Variants in BCAS4 observed in about 807,000 individuals in gnomAD.
The protein encoded by BCAS4 is breast carcinoma-amplified sequence 4.
Under a neutral mutation model 15.7 loss-of-function variants are expected in BCAS4, and 9 were observed. The ratio of observed to expected loss-of-function variants is 0.57; its 90% CI spans 0.34 to 1.00. The LOEUF is 1.00. Among genes scored for constraint, BCAS4 ranks in the 50% least tolerant of loss-of-function variants. The pLI, the probability that BCAS4 is intolerant of heterozygous loss-of-function variation, is 0.02. For synonymous variants in BCAS4, 101 were observed against 99.5 expected, an observed-to-expected ratio of 1.02 and a Z score of -0.09; for missense variants, 225 against 239.1, an observed-to-expected ratio of 0.94 and a Z score of 0.39.
intron 1 of BCAS4, among the ~76,000 whole-genome samples, chr20:50,805,493 G>C (rs1042004183): frequency 6.6e-6 from 1 of 152,120 alleles, no homozygotes; most frequent in African/African-American, 2.4e-5. Flanking sequence ...AGCAGGGTTG[G>C]CATATCCCTA....
chr20:50,800,435 C>T (rs2087913169), intron 1 of BCAS4, among the ~76,000 whole-genome samples: 1 of 152,046 alleles, frequency 6.6e-6, no homozygotes, highest in Non-Finnish European at 1.5e-5. Context: ...CTGCTTTCCC[C>T]AGATGGAGGA....
intron 2 of BCAS4, 130 bp from the exon 3 acceptor site, chr20:50,830,149 T>C: frequency 1.4e-6 from 1 of 722,256 alleles, no homozygotes; most frequent in Non-Finnish European, 2.4e-6. Flanking sequence ...CTTGGGCCTG[T>C]ATTGCGCAGG....
intron 2 of BCAS4, among the ~76,000 whole-genome samples, chr20:50,822,249 C>T (rs2088225298): frequency 6.6e-6 from 1 of 152,138 alleles, no homozygotes; most frequent in Non-Finnish European, 1.5e-5. Flanking sequence ...GTCCAGTGGG[C>T]AGGAAGGAAG....
intron 3 of BCAS4, among the ~76,000 whole-genome samples, chr20:50,838,191 G>A (rs992963894): frequency 2.0e-5 from 3 of 152,174 alleles, no homozygotes; most frequent in African/African-American, 4.8e-5. Context: ...TTATGCATCC[G>A]CCACCCATAT....
intron 3 of BCAS4, among the ~76,000 whole-genome samples, chr20:50,830,783 A>G (rs144513814): frequency 6.6e-6 from 1 of 152,238 alleles, no homozygotes; most frequent in East Asian, 1.9e-4. Flanking sequence ...CCAGGAGGTC[A>G]TGGCTACTGT....
At chr20:50,875,261 T>G (rs1979863894) in intron 4 of BCAS4, among the ~76,000 whole-genome samples, 1 of 152,152 alleles carries the variant, frequency 6.6e-6, no homozygotes, top group Non-Finnish European at 1.5e-5. Flanking sequence ...GTGACCTGGT[T>G]TTTCCTGGAG....
At chr20:50,853,428 CCT>C (rs1978555462) in intron 4 of BCAS4, among the ~76,000 whole-genome samples, 1 of 152,118 alleles carries the variant, frequency 6.6e-6, no homozygotes. Flanking sequence ...GTGTAAGCCA[CCT>C]CACCCAGCCA....
At chr20:50,863,947 GC>G (rs1036719657) in intron 4 of BCAS4, among the ~76,000 whole-genome samples, 1 of 152,198 alleles carries the variant, frequency 6.6e-6, no homozygotes, top group East Asian at 1.9e-4. Context: ...CTGCTCATGT[GC>G]CCCCCCAAAT....
intron 1 of BCAS4, among the ~76,000 whole-genome samples, chr20:50,804,042 G>A (rs1461395056): frequency 6.6e-6 from 1 of 151,920 alleles, no homozygotes; most frequent in East Asian, 1.9e-4. Flanking sequence ...TGGGGATCTG[G>A]ATTTCTTTTT....
chr20:50,876,664 G>A lies in BCAS4; in HGVS notation c.*56G>A, dbSNP rs1439520755. On this transcript the variant is annotated 3_prime_UTR_variant, in exon 5 of 5. Coordinates refer to ENST00000371608, the MANE Select transcript of BCAS4 (RefSeq NM_198799.4). ...AAAGTGACATTGTGTACACACTGCAGCTTGGGGGTTTTTTCTTTGTATTGC... is the reference window on the plus strand; with the variant it reads ...AAAGTGACATTGTGTACACACTGCAACTTGGGGGTTTTTTCTTTGTATTGC... 2 of 1,557,770 alleles carry A rather than the reference G, an allele frequency of 1.3e-6. No homozygotes were observed. The highest frequency in any genetic ancestry group is 1.7e-6 in the Non-Finnish European group (2 of 1,157,762).
the BCAS4 span, chr20:50,882,333 A>G: frequency 6.6e-6 from 1 of 152,202 alleles, no homozygotes; most frequent in African/African-American, 2.4e-5. Context: ...GAAAGAACCC[A>G]AGTGATTATT....
At chr20:50,843,055 G>C (rs1472903360) in intron 4 of BCAS4, among the ~76,000 whole-genome samples, 1 of 152,118 alleles carries the variant, frequency 6.6e-6, no homozygotes, top group Admixed American at 6.5e-5. Flanking sequence ...GAACTCCTGG[G>C]CTCAAGTGAT....
At chr20:50,824,075 C>A (rs1177425016) in intron 2 of BCAS4, among the ~76,000 whole-genome samples, 1 of 152,144 alleles carries the variant, frequency 6.6e-6, no homozygotes, top group Non-Finnish European at 1.5e-5. Context: ...ATCATTGTTA[C>A]CAAAGCACCA....
At chr20:50,867,740 C>T (rs1387541227) in intron 4 of BCAS4, among the ~76,000 whole-genome samples, 1 of 152,124 alleles carries the variant, frequency 6.6e-6, no homozygotes, top group African/African-American at 2.4e-5. Context: ...ATGGTGAAAC[C>T]CTGTCTCTAC....
intron 4 of BCAS4, chr20:50,846,686 T>A (rs1452126288): frequency 7.1e-6 from 1 of 140,912 alleles, no homozygotes; most frequent in Non-Finnish European, 1.5e-5. Context: ...CAATCTTGGC[T>A]CACTGCAACC....
intron 2 of BCAS4, among the ~76,000 whole-genome samples, chr20:50,822,266 C>T (rs2088225433): frequency 6.6e-6 from 1 of 152,186 alleles, no homozygotes; most frequent in South Asian, 2.1e-4. Flanking sequence ...GAAGCTGCCA[C>T]ATGTCTTGAG....
downstream of BCAS4, chr20:50,879,116 T>A (rs549649184): frequency 6.6e-6 from 1 of 152,436 alleles, no homozygotes; most frequent in South Asian, 2.1e-4. Flanking sequence ...TGTTGCTGTG[T>A]CACTGTAGAT....
chr20:50,873,624 CT>C (rs1979767486), intron 4 of BCAS4, among the ~76,000 whole-genome samples: 1 of 152,356 alleles, frequency 6.6e-6, no homozygotes, highest in Admixed American at 6.5e-5. Context: ...GGAGATGTAT[CT>C]TGTGGCTCAG....
chr20:50,876,608 A>G lies in BCAS4; in HGVS notation c.522A>G (p.Ter174TrpextTer105), dbSNP rs757318458. The G allele has an allele frequency of 6.2e-7, 1 of 1,613,698 alleles. No homozygotes were observed. The highest frequency in any genetic ancestry group is 2.2e-5 in the East Asian group (1 of 44,860). ...CCCGCACCTGCCCTCGGCCTTTGTG[A>G]GCTTTGTGGTCTTCCCATCAGGAAC... is the stretch of plus-strand genomic sequence containing the variant. ...HHPRTCPRPL[*>W] Residue 174 changes from the stop codon to tryptophan, a stop_lost, in exon 5 of 5, where the codon TGA (stop) becomes TGG (tryptophan). Transcript: ENST00000371608.
Sources: gnomAD v4.1 joint callset for allele counts (sites outside exome capture counted in the v4.1 genomes callset) on GRCh38, gnomAD v4.1.1 for gene constraint, MANE v1.5 for transcripts, NCBI Gene and HGNC (gene_info 2026-07-23, HGNC 2026-07-21) for gene names.